The following SGIP1 variants were observed in gnomAD, a reference collection of about 807,000 sequenced individuals.
SGIP1 encodes SH3GL interacting endocytic adaptor 1, also known as SH3-containing GRB2-like protein 3-interacting protein 1.
A neutral mutation model predicts 107.5 loss-of-function variants in SGIP1; 38 were observed. The ratio of observed to expected loss-of-function variants is 0.35; its 90% CI spans 0.27 to 0.46. The LOEUF (loss-of-function observed/expected upper bound fraction) is 0.46, where lower values mean the gene tolerates loss of function less well. Among genes scored for constraint, SGIP1 ranks in the 20% least tolerant of loss-of-function variants. The pLI is 1.00. For missense variants in SGIP1, 929 were observed against 1,019.5 expected, an observed-to-expected ratio of 0.91 and a Z score of 1.21; for synonymous variants, 365 against 366.1, an observed-to-expected ratio of 1.00 and a Z score of 0.03.
In SGIP1 at chr1:66,719,379, C is replaced by A. The variant is rs1366389797; in HGVS notation, c.1716C>A (p.Ala572=). The A allele has an allele frequency of 4.3e-6, 7 of 1,613,368 alleles. No homozygotes were observed. The highest frequency in any genetic ancestry group is 5.9e-6 in the Non-Finnish European group (7 of 1,179,596). The change falls in exon 19 of 25, where the codon GCC becomes GCA. Residue 572 remains alanine, a synonymous_variant. Coordinates refer to ENST00000371037, the MANE Select transcript of SGIP1 (RefSeq NM_032291.4). ...VAAAFTETVN[A]YFKGADPSKC... is the part of the protein sequence containing the mutation. ...CAGCATTTACAGAAACAGTCAATGCCTATTTCAAAGGAGCAGACCCAAGCA... is the reference window on the plus strand; with the variant it reads ...CAGCATTTACAGAAACAGTCAATGCATATTTCAAAGGAGCAGACCCAAGCA...
chr1:66,695,351 G>T, intron 17 of SGIP1, 83 bp from the exon 18 acceptor site: 1 of 1,604,860 alleles, frequency 6.2e-7, no homozygotes, highest in Non-Finnish European at 8.5e-7. Context: ...TGAGATTAAT[G>T]ACCTGCTCTG....
intron 6 of SGIP1, 99 bp downstream of exon 6, chr1:66,642,963 C>A: frequency 2.9e-6 from 3 of 1,035,734 alleles, no homozygotes; most frequent in Non-Finnish European, 4.3e-6. Context: ...ACCGAATCTT[C>A]ACAAGTCCTG....
intron 1 of SGIP1, among the ~76,000 whole-genome samples, chr1:66,605,783 A>G (rs2066708643): frequency 6.6e-6 from 1 of 152,176 alleles, no homozygotes; most frequent in African/African-American, 2.4e-5. Context: ...ACAACGTTTT[A>G]GCATTATTGC....
At chr1:66,600,119 A>G (rs2065489660) in intron 1 of SGIP1, among the ~76,000 whole-genome samples, 1 of 152,196 alleles carries the variant, frequency 6.6e-6, no homozygotes, top group Non-Finnish European at 1.5e-5. Flanking sequence ...GTTCAGTGGC[A>G]TTTAACATGC....
rs372437811 is a variant in SGIP1, at chr1:66,671,011, A to C, written c.500A>C (p.Asn167Thr). 7.2e-7 allele frequency: 1 copy of C among 1,395,758 alleles called. No homozygotes were observed. Among genetic ancestry groups the C allele is most frequent in the Non-Finnish European group, 9.9e-7 (1 of 1,009,920 alleles). 86.5% of individuals were successfully genotyped at this position (1,395,758 alleles called of 1,614,324 possible). A position where few individuals can be genotyped will look rare whatever the true frequency, so the allele number is the denominator to read the frequency against. Reference sequence around the variant, plus strand: ...TAATTCTAGGGTGCAATTAAAAGGAACTTATCCAGTAAGTATATCTTAGCT... The same window carrying C: ...TAATTCTAGGGTGCAATTAAAAGGACCTTATCCAGTAAGTATATCTTAGCT... Reference protein sequence around the residue: ...PRRSPGAIKRNLSSEEVARPR... With the variant: ...PRRSPGAIKRTLSSEEVARPR... The change falls in exon 10 of 25, where the codon AAC becomes ACC. Residue 167 changes from asparagine to threonine, a missense_variant. Physicochemically the swap from Asn to Thr is moderately conservative, Grantham distance 65. Coordinates refer to ENST00000371037, the MANE Select transcript of SGIP1 (RefSeq NM_032291.4).
intron 4 of SGIP1, among the ~76,000 whole-genome samples, chr1:66,638,067 T>C (rs562405514): frequency 2.0e-5 from 3 of 152,036 alleles, no homozygotes; most frequent in Non-Finnish European, 4.4e-5. Context: ...TTTTCTGGAA[T>C]CTGCTTAGTC....
At chr1:66,668,277 G>A (rs1445171972) in intron 9 of SGIP1, among the ~76,000 whole-genome samples, 1 of 151,792 alleles carries the variant, frequency 6.6e-6, no homozygotes, top group Non-Finnish European at 1.5e-5. Context: ...TGCAACCTCC[G>A]CCTCTCGAGT....
intron 17 of SGIP1, among the ~76,000 whole-genome samples, chr1:66,693,716 A>T (rs2150135783): frequency 6.6e-6 from 1 of 152,362 alleles, no homozygotes; most frequent in African/African-American, 2.4e-5. Context: ...CTGAGAAGAC[A>T]GACCTTATAA....
intron 1 of SGIP1, among the ~76,000 whole-genome samples, chr1:66,588,446 A>G (rs1257633683): frequency 6.6e-6 from 1 of 152,152 alleles, no homozygotes; most frequent in Non-Finnish European, 1.5e-5. Flanking sequence ...AAGTGTTTCA[A>G]TGTTCTGTGA....
chr1:66,603,252 G>A (rs977030910), intron 1 of SGIP1, among the ~76,000 whole-genome samples: 4 of 152,044 alleles, frequency 2.6e-5, no homozygotes, highest in African/African-American at 9.7e-5. Flanking sequence ...TTCTTTCATG[G>A]TGCTTATCAA....
At chr1:66,576,963 G>A (rs1031663285) in intron 1 of SGIP1, among the ~76,000 whole-genome samples, 1 of 152,186 alleles carries the variant, frequency 6.6e-6, no homozygotes, top group Non-Finnish European at 1.5e-5. Context: ...CTGGTGCTTG[G>A]CATGCAGCTG....
chr1:66,652,582 A>G (rs1228843703), intron 7 of SGIP1, among the ~76,000 whole-genome samples: 1 of 152,150 alleles, frequency 6.6e-6, no homozygotes, highest in African/African-American at 2.4e-5. Context: ...ATAGCTTTGA[A>G]CTGGAGACAG....
At chr1:66,646,662 A>G (rs768605561) in intron 7 of SGIP1, among the ~76,000 whole-genome samples, 16 of 152,222 alleles carry the variant, frequency 1.1e-4, no homozygotes, top group Non-Finnish European at 2.2e-4. Context: ...GGAGGAATGA[A>G]TGAATCATAT....
chr1:66,702,005 G>A (rs555191856), intron 18 of SGIP1, among the ~76,000 whole-genome samples: 58 of 152,286 alleles, frequency 3.8e-4, no homozygotes, highest in Non-Finnish European at 7.8e-4. Flanking sequence ...ATTTTGCTTG[G>A]ATTCAGCATA....
intron 1 of SGIP1, among the ~76,000 whole-genome samples, chr1:66,600,447 G>A (rs562533941): frequency 3.9e-5 from 6 of 152,120 alleles, no homozygotes; most frequent in Non-Finnish European, 7.4e-5. Flanking sequence ...AGCTCTGATG[G>A]TGGCAGCAAG....
intron 1 of SGIP1, among the ~76,000 whole-genome samples, chr1:66,585,411 G>A (rs1299659729): frequency 6.6e-6 from 1 of 152,114 alleles, no homozygotes; most frequent in African/African-American, 2.4e-5. Flanking sequence ...GCTGTGACAT[G>A]TCAGAACGTT....
intron 24 of SGIP1, 45 bp downstream of exon 24, chr1:66,741,481 C>T: frequency 6.6e-7 from 1 of 1,512,988 alleles, no homozygotes; most frequent in Non-Finnish European, 8.9e-7. Context: ...ATAATGTTGC[C>T]TTGGCTACTC....
At chr1:66,551,017 A>C (rs1007642465) in intron 1 of SGIP1, among the ~76,000 whole-genome samples, 1 of 152,194 alleles carries the variant, frequency 6.6e-6, no homozygotes, top group East Asian at 1.9e-4. Flanking sequence ...CAGTGATAAT[A>C]ACTAAGATTA....
chr1:66,535,969 C>T (rs974770956), intron 1 of SGIP1, among the ~76,000 whole-genome samples: 1 of 152,184 alleles, frequency 6.6e-6, no homozygotes, highest in Non-Finnish European at 1.5e-5. Flanking sequence ...GAATTGGATG[C>T]TCTTTCTTTT....
Sources: allele counts gnomAD v4.1 joint callset (sites outside exome capture counted in the v4.1 genomes callset), GRCh38; gene constraint gnomAD v4.1.1; transcripts MANE v1.5; gene names NCBI Gene and HGNC (gene_info 2026-07-23, HGNC 2026-07-21).